Variants in SPRING1 observed in about 807,000 individuals in gnomAD.
SPRING1 encodes the protein SREBF pathway regulator in golgi 1.
In SPRING1, 14 loss-of-function variants were observed where a neutral mutation model predicts 24.7. The ratio of observed to expected loss-of-function variants is 0.57; its 90% CI spans 0.37 to 0.88. The LOEUF is 0.88. Among genes scored for constraint, SPRING1 ranks in the 40% least tolerant of loss-of-function variants. SPRING1 has a pLI of 0.00. For missense variants in SPRING1, 255 were observed against 268.4 expected, an observed-to-expected ratio of 0.95 and a Z score of 0.35; for synonymous variants, 93 against 106.1, an observed-to-expected ratio of 0.88 and a Z score of 0.76.
Position 116,728,616 on chromosome 12 carries a change from C to G in SPRING1, c.112-5393G>C, listed in dbSNP as rs1402165561. Among the ~76,000 whole-genome samples, 1 of 152,256 alleles carries G rather than the reference C, an allele frequency of 6.6e-6. No homozygotes were observed. Among genetic ancestry groups the G allele is most frequent in the Non-Finnish European group, 1.5e-5 (1 of 68,046 alleles). ...ATTCTCCAGGCAAAAGCTGCCGCAT[C>G]TGCGCCATGAGTTTCCAGTCTCACC... On this transcript the variant is annotated intron_variant, in intron 1 of 4. Transcript: ENST00000261318. This position sits in a 1 kb window ranked among gnomAD's most constrained non-coding sequence, Gnocchi z 4.2.
rs751817746 is a variant in SPRING1, at chr12:116,720,350, G to A, written c.366C>T (p.Asn122=). The A allele has an allele frequency of 1.2e-5, 20 of 1,614,190 alleles. 1 individual carries two copies. Among genetic ancestry groups the A allele is most frequent in the South Asian group, 6.6e-5 (6 of 91,088 alleles). Residue 122 remains asparagine (N), a synonymous_variant, in exon 3 of 5, where the codon AAC becomes AAT. Coordinates refer to ENST00000261318, the MANE Select transcript of SPRING1 (RefSeq NM_024738.4). The surrounding 1 kb of genome is among the most constrained non-coding windows in gnomAD (Gnocchi z 4.0). ...KQYCCDGCWP[N]GCCSAYEYCV... ...AGTACTCATAGGCGCTGCAGCAGCC[G>A]TTGGGCCAGCAGCCATCACAGCAGT...
chr12:116,737,647 G>T (rs1871330540), intron 1 of SPRING1, 143 bp downstream of exon 1: 1 of 940,858 alleles, frequency 1.1e-6, no homozygotes. Flanking sequence ...AAGGGAAGGG[G>T]AGAAAGAAAG....
At chr12:116,725,754 C>T (rs941371747) in intron 1 of SPRING1, among the ~76,000 whole-genome samples, 7 of 151,934 alleles carry the variant, frequency 4.6e-5, no homozygotes, top group Admixed American at 1.3e-4. Flanking sequence ...GGCGTGGTGG[C>T]GGGCGCCTGT....
intron 1 of SPRING1, among the ~76,000 whole-genome samples, chr12:116,725,818 G>A (rs149836799): frequency 0.023 from 3,528 of 151,942 alleles, 151 homozygotes; most frequent in East Asian, 0.17. Flanking sequence ...CCCGGGAGGC[G>A]GAGCTTGCAG....
Position 116,713,966 on chromosome 12 carries a change from G to A in SPRING1, c.*3844C>T, listed in dbSNP as rs1425804256. ...AACAGTAACAACAATAGTAACAAGA[G>A]CTCTGTAATTCCTACCCTTCCAACC... On this transcript the variant is annotated 3_prime_UTR_variant, in exon 5 of 5. Transcript: ENST00000261318. 6.6e-6 allele frequency: 1 copy of A among 152,118 alleles called. No homozygotes were observed. Among genetic ancestry groups the A allele is most frequent in the African/African-American group, 2.4e-5 (1 of 41,424 alleles). 9.4% of individuals were successfully genotyped at this position (152,118 alleles called of 1,614,324 possible).
chr12:116,720,193 A>G lies in SPRING1; in HGVS notation c.420+103T>C. ...CTGACACCTACAAAGCTCCTTTCTA[A>G]GTTTTATTTTCAGAGGAATCTCACA... On this transcript the variant is annotated intron_variant, in intron 3 of 4. Transcript: ENST00000261318. This position sits in a 1 kb window ranked among gnomAD's most constrained non-coding sequence, Gnocchi z 4.0. 2 of 1,391,948 alleles carry G rather than the reference A, an allele frequency of 1.4e-6. No individual in the cohort carries two copies. The highest frequency in any genetic ancestry group is 1.9e-6 in the Non-Finnish European group (2 of 1,045,814). The allele number at this position is 1,391,948 out of a possible 1,614,324, so 86.2% of individuals were successfully genotyped here. A position where few individuals can be genotyped will look rare whatever the true frequency, so the allele number is the denominator to read the frequency against.
chr12:116,737,869 C>G lies in SPRING1; in HGVS notation c.32G>C (p.Arg11Pro). Residue 11 changes from arginine (R) to proline (P), a missense_variant, in exon 1 of 5, where the codon CGG becomes CCG. Coordinates refer to ENST00000261318, the MANE Select transcript of SPRING1 (RefSeq NM_024738.4). ...GAGCACCCACCTCTTCCGCAGAAGCCGGCGCCACACCATGGCCGCCAGGTT... is the reference window on the plus strand; with the variant it reads ...GAGCACCCACCTCTTCCGCAGAAGCGGGCGCCACACCATGGCCGCCAGGTT... MVNLAAMVWR[R>P]LLRKRWVLAL... The G allele has an allele frequency of 2.5e-6, 4 of 1,576,068 alleles. No homozygotes were observed. The highest frequency in any genetic ancestry group is 3.4e-6 in the Non-Finnish European group (4 of 1,162,572).
chr12:116,725,243 G>A (rs1870624856), intron 1 of SPRING1, among the ~76,000 whole-genome samples: 1 of 152,178 alleles, frequency 6.6e-6, no homozygotes, highest in Non-Finnish European at 1.5e-5. Context: ...GTAGCATGGT[G>A]CAACCTCACG....
In SPRING1 at chr12:116,717,782, C is replaced by A; in HGVS notation, c.*28G>T. On this transcript the variant is annotated 3_prime_UTR_variant, in exon 5 of 5. Coordinates refer to ENST00000261318, the MANE Select transcript of SPRING1 (RefSeq NM_024738.4). This position sits in a 1 kb window ranked among gnomAD's most constrained non-coding sequence, Gnocchi z 4.2. ...GAGTTCTTCAGCGGGGCCTCCTCAC[C>A]CAGGCTGGAGCAAGTCCGCTGCACC... 6.4e-7 allele frequency: 1 copy of A among 1,555,686 alleles called. No homozygotes were observed. Among genetic ancestry groups the A allele is most frequent in the Admixed American group, 1.9e-5 (1 of 53,882 alleles).
At chr12:116,732,541 C>A (rs1318937299) in intron 1 of SPRING1, among the ~76,000 whole-genome samples, 1 of 152,150 alleles carries the variant, frequency 6.6e-6, no homozygotes, top group Non-Finnish European at 1.5e-5. Context: ...AACCCCGTCT[C>A]TACTAAAAAT....
rs2137035439 is a variant in SPRING1 at position 116,723,241 on chromosome 12, G to A, written c.112-18C>T. 1 of 1,613,872 alleles carries A rather than the reference G, an allele frequency of 6.2e-7. No homozygotes were observed. The highest frequency in any genetic ancestry group is 2.2e-5 in the East Asian group (1 of 44,878). ...CTCTCCTCCTGCAAAGAAACCATAA[G>A]TGAGAAGGTTAAGTATCCAGTATCC... On this transcript the variant is annotated intron_variant, in intron 1 of 4. Transcript: ENST00000261318.
chr12:116,723,260 A>G, intron 1 of SPRING1, 37 bp from the exon 2 acceptor site: 1 of 1,606,860 alleles, frequency 6.2e-7, no homozygotes, highest in Non-Finnish European at 8.5e-7. Flanking sequence ...TTAAGTATCC[A>G]GTATCCTTTC....
chr12:116,737,069 G>T (rs1049680775), intron 1 of SPRING1, among the ~76,000 whole-genome samples: 1 of 152,186 alleles, frequency 6.6e-6, no homozygotes, highest in East Asian at 1.9e-4. Context: ...GCTCTGGACC[G>T]GGCAGGTGAA....
Position 116,712,857 on chromosome 12 carries a change from G to C in SPRING1, c.*4953C>G, listed in dbSNP as rs1869933245. 1 of 152,394 alleles carries C rather than the reference G, an allele frequency of 6.6e-6. No individual in the cohort carries two copies. The highest frequency in any genetic ancestry group is 1.5e-5 in the Non-Finnish European group (1 of 68,098). 9.4% of individuals were successfully genotyped at this position (152,394 alleles called of 1,614,324 possible). On this transcript the variant is annotated 3_prime_UTR_variant, in exon 5 of 5. Transcript: ENST00000261318. Reference sequence around the variant, plus strand: ...CAAAGGAATAATGCCATTCCTTGAGGCAGCGCTGGGCTAGTAGAGACCTGT... The same window carrying C: ...CAAAGGAATAATGCCATTCCTTGAGCCAGCGCTGGGCTAGTAGAGACCTGT...
In SPRING1 at chr12:116,718,966, T is replaced by C. The variant is rs1378044656; in HGVS notation, c.534+797A>G. The stretch of plus-strand genomic sequence containing the variant: ...TGAGAAGGGGCATAAAATCCAAAGG[T>C]GGACTACAGAAATCTGGCAAAGGGT... On this transcript the variant is annotated intron_variant, in intron 4 of 4. Coordinates refer to ENST00000261318, the MANE Select transcript of SPRING1 (RefSeq NM_024738.4). 4.6e-5 allele frequency among the ~76,000 whole-genome samples: 7 copies of C among 152,122 alleles called. No individual in the cohort carries two copies. The South Asian group carries it at 1.5e-3, about 32-fold the overall frequency.
At chr12:116,719,986 G>C in intron 3 of SPRING1, 110 bp from the exon 4 acceptor site, 1 of 994,630 alleles carries the variant, frequency 1.0e-6, no homozygotes, top group Non-Finnish European at 1.5e-6. Flanking sequence ...GGGGGGAAGA[G>C]GAGGAGAAAA....
intron 1 of SPRING1, among the ~76,000 whole-genome samples, chr12:116,736,883 G>A (rs1169366175): frequency 6.6e-6 from 1 of 152,162 alleles, no homozygotes; most frequent in Admixed American, 6.5e-5. Context: ...GGAACTGTGG[G>A]TCCTTTTGAG....
chr12:116,736,977 T>C (rs1871252838), intron 1 of SPRING1, among the ~76,000 whole-genome samples: 1 of 152,132 alleles, frequency 6.6e-6, no homozygotes, highest in South Asian at 2.1e-4. Context: ...TATGTCTTGG[T>C]TTCCCCCACT....
Position 116,713,830 on chromosome 12 carries a change from A to G in SPRING1, c.*3980T>C, listed in dbSNP as rs555819870. 9 of 152,360 alleles carry G rather than the reference A, an allele frequency of 5.9e-5. No homozygotes were observed. The highest frequency in any genetic ancestry group is 2.6e-4 in the Admixed American group (4 of 15,304). 9.4% of individuals were successfully genotyped at this position (152,360 alleles called of 1,614,324 possible). On this transcript the variant is annotated 3_prime_UTR_variant, in exon 5 of 5. Coordinates refer to ENST00000261318, the MANE Select transcript of SPRING1 (RefSeq NM_024738.4). ...GGACAAAGTACTTTCATTTTTGCCT[A>G]GAAAATGGGGGAAGACAAAAATGCG...
Sources: gnomAD v4.1 joint callset for allele counts (sites outside exome capture counted in the v4.1 genomes callset) on GRCh38, gnomAD v4.1.1 for gene constraint, Gnocchi (gnomAD v3.1) non-coding constraint, MANE v1.5 for transcripts, NCBI Gene and HGNC (gene_info 2026-07-23, HGNC 2026-07-21) for gene names.